The following RAP2A variants were observed in gnomAD, a reference collection of about 807,000 sequenced individuals.
The protein encoded by RAP2A is RAP2A, member of RAS oncogene family, also known as ras-related protein Rap-2a.
RAP2A carries 5 observed loss-of-function variants against 15.1 expected under a neutral mutation model. That is an observed-to-expected ratio of 0.33 (90% CI 0.17 to 0.70). The LOEUF is 0.70. Ranked by LOEUF, RAP2A falls within the 30% of genes least tolerant of loss-of-function variation. RAP2A has a pLI of 0.68. For synonymous variants in RAP2A, 110 were observed against 99.7 expected (o/e 1.10, Z -0.62); for missense variants, 111 against 240.3 (o/e 0.46, Z 3.56).
In RAP2A at chr13:97,466,461, A is replaced by G. The variant is rs1220981386; in HGVS notation, c.*2019A>G. 6.6e-6 allele frequency: 1 copy of G among 152,224 alleles called. No individual in the cohort carries two copies. Among genetic ancestry groups the G allele is most frequent in the South Asian group, 2.1e-4 (1 of 4,836 alleles). The allele number at this position is 152,224 out of a possible 1,614,324, so 9.4% of individuals were successfully genotyped here. On this transcript the variant is annotated 3_prime_UTR_variant, in exon 2 of 2. Transcript: ENST00000245304. ...CATGTAGAGAAGTTGTAGATTCAAG[A>G]TATATGATTTCTCTATGGAAATAAA...
intron 1 of RAP2A, among the ~76,000 whole-genome samples, chr13:97,440,056 A>G (rs963808519): frequency 2.6e-5 from 4 of 152,154 alleles, no homozygotes; most frequent in Non-Finnish European, 5.9e-5. Flanking sequence ...TCTTTGGCCC[A>G]TGACAGTTTG....
chr13:97,465,882 A>G lies in RAP2A; in HGVS notation c.*1440A>G, dbSNP rs1376265800. 1 of 152,194 alleles carries G rather than the reference A, an allele frequency of 6.6e-6. No individual in the cohort carries two copies. The highest frequency in any genetic ancestry group is 1.5e-5 in the Non-Finnish European group (1 of 68,052). 9.4% of individuals were successfully genotyped at this position (152,194 alleles called of 1,614,324 possible). A position where few individuals can be genotyped will look rare whatever the true frequency, so the allele number is the denominator to read the frequency against. On this transcript the variant is annotated 3_prime_UTR_variant, in exon 2 of 2. Coordinates refer to ENST00000245304, the MANE Select transcript of RAP2A (RefSeq NM_021033.7). Reference sequence around the variant, plus strand: ...TTATCTTGAGCTGGGCCTTGGGAGAAGAATTTGGCCTTCAGAACTGCAATA... The same window carrying G: ...TTATCTTGAGCTGGGCCTTGGGAGAGGAATTTGGCCTTCAGAACTGCAATA...
At chr13:97,461,663 A>C (rs949464012) in intron 1 of RAP2A, among the ~76,000 whole-genome samples, 14 of 152,270 alleles carry the variant, frequency 9.2e-5, no homozygotes, top group African/African-American at 2.2e-4. Flanking sequence ...GAAATATTTC[A>C]CATATAAAAC....
At chr13:97,452,888 G>C (rs2066708599) in intron 1 of RAP2A, among the ~76,000 whole-genome samples, 1 of 151,196 alleles carries the variant, frequency 6.6e-6, no homozygotes, top group Non-Finnish European at 1.5e-5. Context: ...AGTATTTGCT[G>C]TTCTTTGGTG....
At chr13:97,444,624 G>C (rs910458045) in intron 1 of RAP2A, among the ~76,000 whole-genome samples, 3 of 152,130 alleles carry the variant, frequency 2.0e-5, no homozygotes, top group Non-Finnish European at 4.4e-5. Context: ...TGTCCTTCTG[G>C]TGTGCCAAAA....
At chr13:97,447,714 A>G (rs2153179574) in intron 1 of RAP2A, among the ~76,000 whole-genome samples, 1 of 152,346 alleles carries the variant, frequency 6.6e-6, no homozygotes, top group African/African-American at 2.4e-5. Context: ...ATTTTGTGAC[A>G]TTTTTGTTAC....
chr13:97,452,640 A>ACACACACG (rs1555326572), intron 1 of RAP2A, among the ~76,000 whole-genome samples: 3 of 111,200 alleles, frequency 2.7e-5, no homozygotes, highest in Admixed American at 1.0e-4. Flanking sequence ...TCAGTCACAC[A>ACACACACG]CACACACACG....
intron 1 of RAP2A, among the ~76,000 whole-genome samples, chr13:97,461,971 AATATATAT>A (rs889537682): frequency 1.4e-5 from 2 of 142,064 alleles, no homozygotes; most frequent in East Asian, 4.0e-4. Context: ...TCAAAAAAAA[AATATATAT>A]ATATATATAT....
chr13:97,436,331 C>T (rs1351299165), intron 1 of RAP2A, among the ~76,000 whole-genome samples: 1 of 152,058 alleles, frequency 6.6e-6, no homozygotes, highest in Non-Finnish European at 1.5e-5. Flanking sequence ...CTTATTACCC[C>T]CTCCCCCAAC....
chr13:97,455,986 T>C (rs2153180056), intron 1 of RAP2A, among the ~76,000 whole-genome samples: 1 of 151,522 alleles, frequency 6.6e-6, no homozygotes, highest in Non-Finnish European at 1.5e-5. Flanking sequence ...TGGGGATTTC[T>C]CCCACTCTCT....
chr13:97,446,320 G>A (rs2066679489), intron 1 of RAP2A, among the ~76,000 whole-genome samples: 1 of 151,930 alleles, frequency 6.6e-6, no homozygotes, highest in Non-Finnish European at 1.5e-5. Flanking sequence ...ATATTTTTGA[G>A]ATACCTTGTT....
intron 1 of RAP2A, among the ~76,000 whole-genome samples, chr13:97,443,921 T>C (rs1224896760): frequency 6.6e-6 from 1 of 152,200 alleles, no homozygotes; most frequent in Non-Finnish European, 1.5e-5. Context: ...ATGTAGTAAC[T>C]CGTGAGATAA....
chr13:97,459,785 A>T (rs947831277), intron 1 of RAP2A, among the ~76,000 whole-genome samples: 1 of 151,970 alleles, frequency 6.6e-6, no homozygotes, highest in Non-Finnish European at 1.5e-5. Flanking sequence ...TGCACTTAAC[A>T]CTTTTATTGT....
chr13:97,462,207 T>C (rs1179751699), intron 1 of RAP2A, among the ~76,000 whole-genome samples: 2 of 151,750 alleles, frequency 1.3e-5, no homozygotes, highest in African/African-American at 2.4e-5. Flanking sequence ...AATGTTTTAC[T>C]TAATTTTATT....
At chr13:97,441,778 TAA>T (rs1326316775) in intron 1 of RAP2A, 2 of 451,502 alleles carry the variant, frequency 4.4e-6, no homozygotes, top group Admixed American at 4.8e-5. Context: ...GCCTATGTTG[TAA>T]AAAGAGTTTT....
In RAP2A at chr13:97,452,615, T is replaced by G. The variant is rs547820074; in HGVS notation, c.315-11590T>G. Among the ~76,000 whole-genome samples the G allele has an allele frequency of 2.7e-5, 4 of 147,348 alleles. No individual in the cohort carries two copies. In the South Asian group the frequency reaches 8.9e-4, roughly 33 times the overall value. The stretch of plus-strand genomic sequence containing the variant: ...GTATTTTGCATTTCTGTAGAATCCT[T>G]TGCATTTTCAAGAATCAGTCACACA... On this transcript the variant is annotated intron_variant, in intron 1 of 1. Coordinates refer to ENST00000245304, the MANE Select transcript of RAP2A (RefSeq NM_021033.7).
At chr13:97,438,479 C>A (rs758041832) in intron 1 of RAP2A, among the ~76,000 whole-genome samples, 2 of 152,104 alleles carry the variant, frequency 1.3e-5, no homozygotes, top group Admixed American at 6.5e-5. Flanking sequence ...CCATTTATAC[C>A]GGAGGTTGCA....
intron 1 of RAP2A, among the ~76,000 whole-genome samples, chr13:97,463,016 TTA>T (rs928422944): frequency 9.5e-5 from 2 of 20,948 alleles, no homozygotes; most frequent in Non-Finnish European, 3.4e-4. Flanking sequence ...TCTGACAGAT[TTA>T]GCTGTTTCCA....
intron 1 of RAP2A, among the ~76,000 whole-genome samples, chr13:97,447,903 A>G (rs1476483200): frequency 2.0e-5 from 3 of 151,928 alleles, no homozygotes; most frequent in Admixed American, 2.0e-4. Flanking sequence ...CTTTAAAGGT[A>G]GCACACCTGG....
Sources: allele counts gnomAD v4.1 joint callset (sites outside exome capture counted in the v4.1 genomes callset), GRCh38; gene constraint gnomAD v4.1.1; transcripts MANE v1.5; gene names NCBI Gene and HGNC (gene_info 2026-07-23, HGNC 2026-07-21).